LHFPL2: variants seen among roughly 807,000 people sequenced by gnomAD.
LHFPL2 encodes LHFPL tetraspan subfamily member 2, also known as LHFPL tetraspan subfamily member 2 protein.
A neutral mutation model predicts 17.5 loss-of-function variants in LHFPL2; 7 were observed. That is an observed-to-expected ratio of 0.40 (90% CI 0.23 to 0.75). LHFPL2 has a LOEUF of 0.75. LHFPL2 is among the 30% of genes least tolerant of loss of function. The pLI, the probability that LHFPL2 is intolerant of heterozygous loss-of-function variation, is 0.37. For synonymous variants in LHFPL2, 134 were observed against 116.2 expected, an observed-to-expected ratio of 1.15 and a Z score of -0.99; for missense variants, 241 against 294.8, an observed-to-expected ratio of 0.82 and a Z score of 1.34.
At chr5:78,559,039 C>T (rs982254630) in intron 3 of LHFPL2, among the ~76,000 whole-genome samples, 9 of 152,180 alleles carry the variant, frequency 5.9e-5, no homozygotes, top group African/African-American at 1.9e-4. Flanking sequence ...TTTCATCAGT[C>T]GGCTGCAGCC....
In LHFPL2 at chr5:78,510,210, A is replaced by T. The variant is rs1490787648; in HGVS notation, c.4T>A (p.Cys2Ser). The T allele has an allele frequency of 6.3e-7, 1 of 1,583,690 alleles. No individual in the cohort carries two copies. Among genetic ancestry groups the T allele is most frequent in the African/African-American group, 1.4e-5 (1 of 73,698 alleles). Residue 2 changes from cysteine (C) to serine (S), a missense_variant, in exon 4 of 5, where the codon TGT becomes AGT. Transcript: ENST00000380345. M[C>S]HVIVTCRSML... ...GAGCGACAGGTGACAATGACATGAC[A>T]CATATTGATGTTCCGGGCGAAGAAA...
At chr5:78,638,222 G>A (rs1413641257) in intron 1 of LHFPL2, among the ~76,000 whole-genome samples, 1 of 152,154 alleles carries the variant, frequency 6.6e-6, no homozygotes, top group African/African-American at 2.4e-5. Context: ...AGGCATGGTA[G>A]CAGGCGCCTG....
chr5:78,578,568 G>A (rs1261435566), intron 2 of LHFPL2, among the ~76,000 whole-genome samples: 1 of 146,468 alleles, frequency 6.8e-6, no homozygotes, highest in Non-Finnish European at 1.5e-5. Flanking sequence ...GGCTTAGGCT[G>A]TTTTTCTTGC....
At chr5:78,579,738 T>G (rs1393621072) in intron 2 of LHFPL2, among the ~76,000 whole-genome samples, 1 of 152,064 alleles carries the variant, frequency 6.6e-6, no homozygotes, top group Non-Finnish European at 1.5e-5. Flanking sequence ...AATCCAGTCT[T>G]ATCATTGTTG....
intron 2 of LHFPL2, among the ~76,000 whole-genome samples, chr5:78,610,163 A>G (rs10223112): frequency 0.37 from 56,463 of 151,900 alleles, 11,290 homozygotes; most frequent in Middle Eastern, 0.48. Context: ...CCAGCCTCCC[A>G]GTCAGCAATG....
At position 78,488,856 on chromosome 5, in the gene LHFPL2, C is replaced by G. The variant is rs1201528358; in HGVS notation, c.*41G>C. 1.2e-6 allele frequency: 2 copies of G among 1,604,258 alleles called. No individual in the cohort carries two copies. The highest frequency in any genetic ancestry group is 1.7e-6 in the Non-Finnish European group (2 of 1,175,592). On this transcript the variant is annotated 3_prime_UTR_variant, in exon 5 of 5. Coordinates refer to ENST00000380345, the MANE Select transcript of LHFPL2 (RefSeq NM_005779.3). ...AATGATGAAACTGTGGACTGTTTCA[C>G]AAGATTACTCAAGGGAGAAAATGGC...
At chr5:78,589,400 G>A (rs1349705492) in intron 2 of LHFPL2, among the ~76,000 whole-genome samples, 3 of 150,490 alleles carry the variant, frequency 2.0e-5, no homozygotes, top group African/African-American at 7.4e-5. Context: ...AACCCGGGAG[G>A]CAGAGGCTGC....
chr5:78,632,279 C>A lies in LHFPL2; in HGVS notation c.-260G>T, dbSNP rs1239555576. ...GACAACCCACCTGGCTGTGAGCAGTCCCAGGTCCCTCGCTTGCATGAGGTG... is the reference window on the plus strand; with the variant it reads ...GACAACCCACCTGGCTGTGAGCAGTACCAGGTCCCTCGCTTGCATGAGGTG... On this transcript the variant is annotated 5_prime_UTR_variant, in exon 2 of 5. Transcript: ENST00000380345. 6.6e-6 allele frequency: 1 copy of A among 152,198 alleles called. No individual in the cohort carries two copies. Among genetic ancestry groups the A allele is most frequent in the Non-Finnish European group, 1.5e-5 (1 of 68,038 alleles). The allele number at this position is 152,198 out of a possible 1,614,324, so 9.4% of individuals were successfully genotyped here. A position where few individuals can be genotyped will look rare whatever the true frequency, so the allele number is the denominator to read the frequency against.
chr5:78,512,670 G>C (rs74774368), intron 3 of LHFPL2, among the ~76,000 whole-genome samples: 294 of 151,992 alleles, frequency 1.9e-3, no homozygotes, highest in African/African-American at 6.8e-3. Flanking sequence ...AGCCTGTTGA[G>C]AGCTATAAAG....
At chr5:78,641,735 G>C (rs531456896) in intron 1 of LHFPL2, among the ~76,000 whole-genome samples, 11 of 152,126 alleles carry the variant, frequency 7.2e-5, no homozygotes, top group Non-Finnish European at 1.6e-4. Flanking sequence ...AAAGTTGGGT[G>C]TTTCTCCTGA....
intron 2 of LHFPL2, among the ~76,000 whole-genome samples, chr5:78,570,610 A>AATATATATACACGTATATATATAGTAT (rs1561343855): frequency 6.7e-5 from 10 of 148,498 alleles, no homozygotes; most frequent in African/African-American, 2.5e-4. Context: ...TTTAACCTTG[A>AATATATATACACGTATATATATAGTAT]ATATATATAT....
intron 3 of LHFPL2, among the ~76,000 whole-genome samples, chr5:78,532,164 T>C (rs572736096): frequency 6.6e-6 from 1 of 152,272 alleles, no homozygotes; most frequent in East Asian, 1.9e-4. Flanking sequence ...CCTCAAATGA[T>C]CCACCCGGCT....
chr5:78,507,941 T>TACACAC (rs10562386), intron 4 of LHFPL2, among the ~76,000 whole-genome samples: 1,506 of 148,556 alleles, frequency 0.01, 8 homozygotes, highest in Non-Finnish European at 0.017. Flanking sequence ...TACACATGCA[T>TACACAC]ACACACACAC....
Position 78,616,694 on chromosome 5 carries a change from G to A in LHFPL2, c.-245+15570C>T, listed in dbSNP as rs138608202. ...CAGCCCTTCAGAGCCTTTGCTAGGAGAGAACTATTGCTCTCCTTGCAACAC... is the reference window on the plus strand; with the variant it reads ...CAGCCCTTCAGAGCCTTTGCTAGGAAAGAACTATTGCTCTCCTTGCAACAC... On this transcript the variant is annotated intron_variant, in intron 2 of 4. Transcript: ENST00000380345. Among the ~76,000 whole-genome samples, 40 of 152,284 alleles carry A rather than the reference G, an allele frequency of 2.6e-4. No individual in the cohort carries two copies. The East Asian group carries it at 6.0e-3, about 23-fold the overall frequency.
At chr5:78,513,126 G>C (rs1755187704) in intron 3 of LHFPL2, among the ~76,000 whole-genome samples, 1 of 152,048 alleles carries the variant, frequency 6.6e-6, no homozygotes, top group African/African-American at 2.4e-5. Context: ...CAACCTCTCG[G>C]GTGACTTGTA....
chr5:78,552,874 C>A (rs1367160542), intron 3 of LHFPL2, among the ~76,000 whole-genome samples: 1 of 152,166 alleles, frequency 6.6e-6, no homozygotes, highest in Non-Finnish European at 1.5e-5. Flanking sequence ...ACAGAATCGC[C>A]AACCAGCCAT....
intron 3 of LHFPL2, among the ~76,000 whole-genome samples, chr5:78,515,637 GACCATCTCC>G (rs1561316561): frequency 6.6e-6 from 1 of 152,192 alleles, no homozygotes; most frequent in Admixed American, 6.5e-5. Context: ...TGGGTTCCTG[GACCATCTCC>G]CAGAGGAGAA....
At chr5:78,558,200 T>C (rs1756631730) in intron 3 of LHFPL2, among the ~76,000 whole-genome samples, 2 of 152,216 alleles carry the variant, frequency 1.3e-5, no homozygotes, top group Admixed American at 1.3e-4. Context: ...TAAAAATATA[T>C]ACAGCTATTA....
intron 2 of LHFPL2, among the ~76,000 whole-genome samples, 187 bp from the exon 3 acceptor site, chr5:78,565,058 G>A (rs964349186): frequency 6.6e-6 from 1 of 152,130 alleles, no homozygotes; most frequent in Non-Finnish European, 1.5e-5. Flanking sequence ...CGAACACAGG[G>A]TCCAAACCAC....
Sources: gnomAD v4.1 joint callset for allele counts (sites outside exome capture counted in the v4.1 genomes callset) on GRCh38, gnomAD v4.1.1 for gene constraint, MANE v1.5 for transcripts, NCBI Gene and HGNC (gene_info 2026-07-23, HGNC 2026-07-21) for gene names.